CDH18: variants seen among roughly 807,000 people sequenced by gnomAD.
The protein encoded by CDH18 is cadherin 18, also known as cadherin-18.
In CDH18, 31 loss-of-function variants were observed where a neutral mutation model predicts 67.9. The observed-to-expected ratio is 0.46, with a 90% confidence interval of 0.34 to 0.62. The LOEUF is 0.62. CDH18 is among the 20% of genes least tolerant of loss of function. The pLI, the probability that CDH18 is intolerant of heterozygous loss-of-function variation, is 0.01. For synonymous variants in CDH18, 362 were observed against 347.2 expected, an observed-to-expected ratio of 1.04 and a Z score of -0.48; for missense variants, 890 against 975.5, an observed-to-expected ratio of 0.91 and a Z score of 1.17.
At chr5:19,813,429 T>C (rs1420548718) in intron 3 of CDH18, among the ~76,000 whole-genome samples, 1 of 152,118 alleles carries the variant, frequency 6.6e-6, no homozygotes, top group African/African-American at 2.4e-5. Context: ...ATCATTATAA[T>C]GATATAATTG....
At chr5:19,766,051 G>C (rs1773046726) in intron 3 of CDH18, among the ~76,000 whole-genome samples, 1 of 151,870 alleles carries the variant, frequency 6.6e-6, no homozygotes, top group African/African-American at 2.4e-5. Context: ...GGCTATTTTT[G>C]TATATTTAGT....
At chr5:20,501,093 CAAATA>C (rs1040824047) in intron 1 of CDH18, among the ~76,000 whole-genome samples, 9 of 152,184 alleles carry the variant, frequency 5.9e-5, no homozygotes, top group African/African-American at 2.2e-4. Flanking sequence ...CATCACACAG[CAAATA>C]AAATGTCAAT....
chr5:20,247,888 G>T (rs539132283), intron 2 of CDH18, among the ~76,000 whole-genome samples: 42 of 151,968 alleles, frequency 2.8e-4, no homozygotes, highest in Admixed American at 2.4e-3. Flanking sequence ...AAGTTACAAG[G>T]AATTTTAATT....
chr5:19,952,613 T>C (rs1396913413), intron 2 of CDH18, among the ~76,000 whole-genome samples: 1 of 152,220 alleles, frequency 6.6e-6, no homozygotes, highest in East Asian at 1.9e-4. Context: ...AACATATTAA[T>C]ATCCTTAAAA....
chr5:20,449,566 C>T (rs939597535), intron 1 of CDH18, among the ~76,000 whole-genome samples: 2 of 151,780 alleles, frequency 1.3e-5, no homozygotes, highest in Non-Finnish European at 2.9e-5. Flanking sequence ...ATATAATACC[C>T]CCTTTCGTAT....
chr5:19,692,697 T>C (rs942587020), intron 5 of CDH18, among the ~76,000 whole-genome samples: 1 of 151,856 alleles, frequency 6.6e-6, no homozygotes, highest in Admixed American at 6.6e-5. Flanking sequence ...CATACCCCAG[T>C]TAGAATGGCT....
chr5:20,141,959 T>C (rs1750278292), intron 2 of CDH18, among the ~76,000 whole-genome samples: 1 of 151,766 alleles, frequency 6.6e-6, no homozygotes, highest in African/African-American at 2.4e-5. Flanking sequence ...ATTTTGAAAA[T>C]GCTATTATAT....
At chr5:20,055,578 G>A (rs1741827076) in intron 2 of CDH18, among the ~76,000 whole-genome samples, 1 of 152,172 alleles carries the variant, frequency 6.6e-6, no homozygotes, top group Non-Finnish European at 1.5e-5. Context: ...CAGACAGTCA[G>A]GCTAAGTGTG....
intron 1 of CDH18, among the ~76,000 whole-genome samples, chr5:20,339,075 G>A (rs1740029675): frequency 6.6e-6 from 1 of 152,048 alleles, no homozygotes; most frequent in Admixed American, 6.6e-5. Flanking sequence ...ACTCTGAATG[G>A]GGGAAGCAGA....
intron 2 of CDH18, among the ~76,000 whole-genome samples, chr5:20,210,600 G>A (rs1034975169): frequency 6.6e-6 from 1 of 151,704 alleles, no homozygotes; most frequent in Non-Finnish European, 1.5e-5. Flanking sequence ...GATATTAAAG[G>A]TCCTTTTTTT....
chr5:19,604,413 C>G (rs180943808), intron 6 of CDH18, among the ~76,000 whole-genome samples: 105 of 152,086 alleles, frequency 6.9e-4, no homozygotes, highest in African/African-American at 2.4e-3. Flanking sequence ...ACTATGATGT[C>G]TGACTTACAG....
chr5:20,429,694 C>A (rs1177313347), intron 1 of CDH18, among the ~76,000 whole-genome samples: 1 of 152,128 alleles, frequency 6.6e-6, no homozygotes, highest in Non-Finnish European at 1.5e-5. Context: ...GTAAGAACTG[C>A]AGTTTGCATA....
At chr5:20,021,750 T>C (rs1738440387) in intron 2 of CDH18, among the ~76,000 whole-genome samples, 1 of 152,218 alleles carries the variant, frequency 6.6e-6, no homozygotes, top group Non-Finnish European at 1.5e-5. Flanking sequence ...ATTAAAACTC[T>C]TTTCTTTATA....
At chr5:20,432,600 T>G (rs951835883) in intron 1 of CDH18, among the ~76,000 whole-genome samples, 2 of 152,114 alleles carry the variant, frequency 1.3e-5, no homozygotes, top group Non-Finnish European at 2.9e-5. Flanking sequence ...GATTTCACTC[T>G]GAGGCCTCTC....
chr5:20,298,612 A>G lies in CDH18; in HGVS notation c.-579-43107T>C, dbSNP rs574915361. ...AGGGTTAATATCCTTGGAATTCAAA[A>G]ATGTGAATAACCAGGTTTAATTCAC... On this transcript the variant is annotated intron_variant, in intron 1 of 14. Transcript: ENST00000507958. Among the ~76,000 whole-genome samples the G allele has an allele frequency of 3.3e-5, 5 of 152,310 alleles. No individual in the cohort carries two copies. In the South Asian group the frequency reaches 1.0e-3, roughly 32 times the overall value.
At chr5:20,467,661 C>A (rs955417013) in intron 1 of CDH18, among the ~76,000 whole-genome samples, 5 of 152,108 alleles carry the variant, frequency 3.3e-5, no homozygotes, top group Non-Finnish European at 7.4e-5. Context: ...TTAGCTAACA[C>A]ATATTTATTG....
At chr5:19,485,488 C>T (rs894184448) in intron 11 of CDH18, among the ~76,000 whole-genome samples, 2 of 152,132 alleles carry the variant, frequency 1.3e-5, no homozygotes, top group African/African-American at 4.8e-5. Flanking sequence ...ATCTCCTGAC[C>T]TCACGATCCA....
At chr5:19,572,418 A>G (rs745555681) in intron 7 of CDH18, among the ~76,000 whole-genome samples, 4 of 152,192 alleles carry the variant, frequency 2.6e-5, no homozygotes, top group Admixed American at 6.5e-5. Context: ...CTTCAATCTC[A>G]AAGTGTCTTT....
At chr5:20,368,236 A>G (rs1331250182) in intron 1 of CDH18, among the ~76,000 whole-genome samples, 1 of 152,178 alleles carries the variant, frequency 6.6e-6, no homozygotes, top group Non-Finnish European at 1.5e-5. Flanking sequence ...TGTCCTCAGG[A>G]TGAAATAGCT....
Sources: allele counts gnomAD v4.1 joint callset (sites outside exome capture counted in the v4.1 genomes callset), GRCh38; gene constraint gnomAD v4.1.1; transcripts MANE v1.5; gene names NCBI Gene and HGNC (gene_info 2026-07-23, HGNC 2026-07-21).